Variants in NFIB observed in about 807,000 individuals in gnomAD.
NFIB encodes the protein nuclear factor 1 B-type.
In NFIB, 11 loss-of-function variants were observed where a neutral mutation model predicts 61.5. The observed-to-expected ratio is 0.18, with a 90% CI of 0.11 to 0.30. The LOEUF (loss-of-function observed/expected upper bound fraction) is 0.30. NFIB is among the 10% of genes least tolerant of loss of function. The pLI is 1.00. For missense variants in NFIB, 471 were observed against 608.9 expected, an observed-to-expected ratio of 0.77 and a Z score of 2.38; for synonymous variants, 260 against 216.5, an observed-to-expected ratio of 1.20 and a Z score of -1.76.
At chr9:14,179,382 T>G (rs999203252) in intron 3 of NFIB, among the ~76,000 whole-genome samples, 4 of 152,180 alleles carry the variant, frequency 2.6e-5, no homozygotes, top group Admixed American at 2.6e-4. Flanking sequence ...ATGGAAATTT[T>G]TACATTTTCT....
chr9:14,138,029 C>T (rs949136235), intron 6 of NFIB, among the ~76,000 whole-genome samples: 2 of 152,116 alleles, frequency 1.3e-5, no homozygotes, highest in African/African-American at 4.8e-5. Context: ...ATTTGGGATA[C>T]AGTATTATAT....
At chr9:14,464,422 A>G in the NFIB span, among the ~76,000 whole-genome samples, 8 of 152,128 alleles carry the variant, frequency 5.3e-5, no homozygotes, top group African/African-American at 1.9e-4. Flanking sequence ...CCAAACCTAG[A>G]CGGTGCACAT....
intron 6 of NFIB, among the ~76,000 whole-genome samples, chr9:14,126,166 T>C (rs913635017): frequency 3.3e-5 from 5 of 152,176 alleles, no homozygotes; most frequent in African/African-American, 1.2e-4. Flanking sequence ...AAAACAACCT[T>C]CAGGTATGTT....
chr9:14,424,501 T>A, the NFIB span, among the ~76,000 whole-genome samples: 1 of 152,216 alleles, frequency 6.6e-6, no homozygotes, highest in Non-Finnish European at 1.5e-5. Context: ...CTTGAAACAT[T>A]TGCCCCAGTT....
intron 4 of NFIB, among the ~76,000 whole-genome samples, chr9:14,151,129 C>T (rs1228511759): frequency 6.6e-6 from 1 of 151,998 alleles, no homozygotes; most frequent in Non-Finnish European, 1.5e-5. Flanking sequence ...TAACCGGACA[C>T]ATAGGATTAT....
At chr9:14,461,059 A>G in the NFIB span, among the ~76,000 whole-genome samples, 3 of 152,042 alleles carry the variant, frequency 2.0e-5, no homozygotes, top group Non-Finnish European at 2.9e-5. Flanking sequence ...ATTAGATATC[A>G]AGTCTCCCTG....
chr9:14,376,549 C>A (rs2132986588), intron 1 of NFIB, among the ~76,000 whole-genome samples: 1 of 146,488 alleles, frequency 6.8e-6, no homozygotes, highest in Non-Finnish European at 1.5e-5. Context: ...CAGGGTTTCA[C>A]TCTGTCGTTC....
intron 2 of NFIB, among the ~76,000 whole-genome samples, chr9:14,205,572 A>T (rs2049597463): frequency 6.6e-6 from 1 of 152,104 alleles, no homozygotes; most frequent in African/African-American, 2.4e-5. Flanking sequence ...ACTGTTCCGC[A>T]AGTTTAAGCT....
chr9:14,189,545 G>A (rs993730555), intron 2 of NFIB, among the ~76,000 whole-genome samples: 4 of 151,338 alleles, frequency 2.6e-5, no homozygotes, highest in African/African-American at 7.3e-5. Context: ...AAGGCTATGA[G>A]ATATATATAT....
In NFIB at chr9:14,179,924, T is replaced by C. The variant is rs546753735; in HGVS notation, c.563-144A>G. On this transcript the variant is annotated intron_variant, in intron 2 of 10. Coordinates refer to ENST00000380953, the MANE Select transcript of NFIB (RefSeq NM_001190737.2). ...AAATACACTTTCCCAAGACTTTTGATAGAAACATTTTACTCATCAAACTAC... is the reference window on the plus strand; with the variant it reads ...AAATACACTTTCCCAAGACTTTTGACAGAAACATTTTACTCATCAAACTAC... 1,068 of 689,448 alleles carry C rather than the reference T, an allele frequency of 1.5e-3. 1 individual carries two copies. Among genetic ancestry groups the C allele is most frequent in the Non-Finnish European group, 2.3e-3 (960 of 420,956 alleles). 42.7% of individuals were successfully genotyped at this position (689,448 alleles called of 1,614,324 possible).
intron 2 of NFIB, among the ~76,000 whole-genome samples, chr9:14,272,872 T>TA (rs1234196632): frequency 4.6e-5 from 7 of 152,182 alleles, no homozygotes; most frequent in African/African-American, 1.4e-4. Flanking sequence ...AATTTTGTGT[T>TA]AGAGTCTAAT....
the NFIB span, among the ~76,000 whole-genome samples, chr9:14,494,584 T>C: frequency 6.6e-6 from 1 of 152,242 alleles, no homozygotes; most frequent in Non-Finnish European, 1.5e-5. Flanking sequence ...GTATTTGTCA[T>C]AGAGTGTATT....
chr9:14,325,639 G>A (rs928085245), intron 1 of NFIB, among the ~76,000 whole-genome samples: 6 of 151,988 alleles, frequency 3.9e-5, no homozygotes, highest in Non-Finnish European at 8.8e-5. Context: ...TAGAGAAAGT[G>A]TGTTTTAATT....
rs2033106033 is a variant in NFIB at position 14,087,842 on chromosome 9, A to C, written c.*467T>G. On this transcript the variant is annotated 3_prime_UTR_variant, in exon 11 of 11. Transcript: ENST00000380953. ...GTGATTCCATGCGTAAACAACAAGA[A>C]TACTAAACCAATAAAACTAGCTTAT... 4.4e-6 allele frequency: 1 copy of C among 225,332 alleles called. No individual in the cohort carries two copies. The highest frequency in any genetic ancestry group is 2.2e-5 in the African/African-American group (1 of 44,860). 14.0% of individuals were successfully genotyped at this position (225,332 alleles called of 1,614,324 possible). A position where few individuals can be genotyped will look rare whatever the true frequency, so the allele number is the denominator to read the frequency against.
At chr9:14,257,719 G>T (rs1039729582) in intron 2 of NFIB, among the ~76,000 whole-genome samples, 1 of 152,096 alleles carries the variant, frequency 6.6e-6, no homozygotes, top group East Asian at 1.9e-4. Flanking sequence ...TCGCTTCACA[G>T]CACTTTAGCC....
chr9:14,222,900 T>C (rs775004994), intron 2 of NFIB, among the ~76,000 whole-genome samples: 2 of 152,060 alleles, frequency 1.3e-5, no homozygotes, highest in African/African-American at 2.4e-5. Context: ...CATTAATCCA[T>C]TTCTTCTTTC....
intron 2 of NFIB, chr9:14,204,326 G>T (rs2049384108): frequency 1.4e-6 from 1 of 739,870 alleles, no homozygotes; most frequent in Non-Finnish European, 2.4e-6. Flanking sequence ...GGCCAAGAAA[G>T]TGGTCAACCC....
chr9:14,265,950 G>GTC (rs567687873), intron 2 of NFIB, among the ~76,000 whole-genome samples: 189 of 152,304 alleles, frequency 1.2e-3, no homozygotes, highest in Admixed American at 5.2e-3. Flanking sequence ...AATACCAAAT[G>GTC]TCTCAGATGG....
At chr9:14,528,975 C>T in the NFIB span, among the ~76,000 whole-genome samples, 1 of 152,090 alleles carries the variant, frequency 6.6e-6, no homozygotes, top group African/African-American at 2.4e-5. Context: ...ATTTAAACTG[C>T]TTACGCGATT....
Sources: gnomAD v4.1 joint callset for allele counts (sites outside exome capture counted in the v4.1 genomes callset) on GRCh38, gnomAD v4.1.1 for gene constraint, MANE v1.5 for transcripts, NCBI Gene and HGNC (gene_info 2026-07-23, HGNC 2026-07-21) for gene names.